The following TRDMT1 variants were observed in gnomAD, a reference collection of about 807,000 sequenced individuals.
The protein encoded by TRDMT1 is tRNA (cytosine(38)-C(5))-methyltransferase.
Under a neutral mutation model 51.2 loss-of-function variants are expected in TRDMT1, and 49 were observed. The ratio of observed to expected loss-of-function variants is 0.96; its 90% CI spans 0.76 to 1.21. The LOEUF (loss-of-function observed/expected upper bound fraction) is 1.21, where lower values mean the gene tolerates loss of function less well. TRDMT1 is among the 50% of genes most tolerant of loss of function. The pLI is 0.00. For missense variants in TRDMT1, 534 were observed against 462.3 expected (o/e 1.16, Z -1.42); for synonymous variants, 187 against 164.6 (o/e 1.14, Z -1.04).
At chr10:17,162,349 G>A (rs540489024) in intron 3 of TRDMT1, 112 bp from the exon 4 acceptor site, 3 of 986,334 alleles carry the variant, frequency 3.0e-6, no homozygotes, top group African/African-American at 1.7e-5. Context: ...AAAATAAGTT[G>A]GTCCTCACAA....
chr10:17,140,280 T>C lies in TRDMT1; in HGVS notation c.*8760A>G, dbSNP rs541513014. On this transcript the variant is annotated 3_prime_UTR_variant, in exon 11 of 11. Coordinates refer to ENST00000377799, the MANE Select transcript of TRDMT1 (RefSeq NM_004412.7). ...TATCATGGCCAGGCTGGTCTTGAAC[T>C]CCTGACCTCATGGTCCGTTCACTTC... 2.0e-5 allele frequency among the ~76,000 whole-genome samples: 3 copies of C among 150,756 alleles called. No individual in the cohort carries two copies. The South Asian group carries it at 6.4e-4, about 32-fold the overall frequency.
intron 1 of TRDMT1, among the ~76,000 whole-genome samples, chr10:17,178,744 T>TA (rs979151602): frequency 4.0e-5 from 6 of 150,432 alleles, no homozygotes; most frequent in Admixed American, 3.3e-4. Flanking sequence ...AAGAATAAAA[T>TA]AAAAAATACA....
chr10:17,194,145 CA>C (rs1845064422), intron 1 of TRDMT1, among the ~76,000 whole-genome samples: 1 of 152,140 alleles, frequency 6.6e-6, no homozygotes, highest in Admixed American at 6.5e-5. Flanking sequence ...TCACCATATA[CA>C]AAAATTAACT....
Position 17,146,682 on chromosome 10 carries a change from T to C in TRDMT1, c.*2358A>G. The C allele has an allele frequency of 5.1e-6, 5 of 985,384 alleles. No individual in the cohort carries two copies. Among genetic ancestry groups the C allele is most frequent in the Non-Finnish European group, 4.8e-6 (4 of 829,880 alleles). The allele number at this position is 985,384 out of a possible 1,614,324, so 61.0% of individuals were successfully genotyped here. A position where few individuals can be genotyped will look rare whatever the true frequency, so the allele number is the denominator to read the frequency against. On this transcript the variant is annotated 3_prime_UTR_variant, in exon 11 of 11. Coordinates refer to ENST00000377799, the MANE Select transcript of TRDMT1 (RefSeq NM_004412.7). ...GTGAAGACTGAATTACACATAGTTC[T>C]CCTGAAAATGAGAAGCTATGTTTTC...
chr10:17,168,894 G>A lies in TRDMT1; in HGVS notation c.198C>T (p.Asp66=). 1 of 1,612,078 alleles carries A rather than the reference G, an allele frequency of 6.2e-7. No individual in the cohort carries two copies. The highest frequency in any genetic ancestry group is 8.5e-7 in the Non-Finnish European group (1 of 1,178,794). Residue 66 remains aspartate (D), a synonymous_variant, in exon 3 of 11, where the codon GAC becomes GAT. Coordinates refer to ENST00000377799, the MANE Select transcript of TRDMT1 (RefSeq NM_004412.7). ...TIEGITLEEF[D]RLSFDMILMS... ...TTAAAATCATATCAAAAGATAATCT[G>A]TCAAACTCTTCGAGTGTAATGCCCT...
At chr10:17,189,976 T>C (rs1279445951) in intron 1 of TRDMT1, among the ~76,000 whole-genome samples, 3 of 152,134 alleles carry the variant, frequency 2.0e-5, no homozygotes, top group African/African-American at 7.2e-5. Context: ...TTAATATTAA[T>C]GTTCAGCTCT....
At chr10:17,151,075 A>T (rs1262928828) in intron 10 of TRDMT1, 2 of 893,758 alleles carry the variant, frequency 2.2e-6, no homozygotes, top group Non-Finnish European at 2.7e-6. Context: ...GTGCAAAAGC[A>T]TTGCAGTTTT....
chr10:17,153,585 T>A lies in TRDMT1; in HGVS notation c.997A>T (p.Thr333Ser). 6.2e-7 allele frequency: 1 copy of A among 1,610,682 alleles called. No individual in the cohort carries two copies. Among genetic ancestry groups the A allele is most frequent in the Non-Finnish European group, 8.5e-7 (1 of 1,178,760 alleles). Residue 333 changes from threonine to serine, a missense_variant, in exon 10 of 11, where the codon ACA (threonine) becomes TCA (serine). Physicochemically the swap from Thr to Ser is moderately conservative, Grantham distance 58. Coordinates refer to ENST00000377799, the MANE Select transcript of TRDMT1 (RefSeq NM_004412.7). ...LTNLSQEEQI[T>S]KLLILKLRYF... is the part of the protein sequence containing the mutation. ...CGCAGTTTAAGTATTAACAGCTTTG[T>A]TATCTGTTCTTCTTGTGACAAATTG... is the stretch of plus-strand genomic sequence containing the variant.
At chr10:17,196,829 A>ATCAT (rs1845511870) in intron 1 of TRDMT1, among the ~76,000 whole-genome samples, 1 of 152,176 alleles carries the variant, frequency 6.6e-6, no homozygotes, top group Non-Finnish European at 1.5e-5. Context: ...ACCTCAGTTT[A>ATCAT]GAGTTAGCAG....
chr10:17,172,523 A>G (rs1194961680), intron 2 of TRDMT1, among the ~76,000 whole-genome samples: 3 of 152,132 alleles, frequency 2.0e-5, no homozygotes, highest in African/African-American at 7.2e-5. Context: ...AGTAAAAATT[A>G]TATTTCACAG....
At position 17,140,943 on chromosome 10, in the gene TRDMT1, C is replaced by G. The variant is rs555925125; in HGVS notation, c.*8097G>C. On this transcript the variant is annotated 3_prime_UTR_variant, in exon 11 of 11. Coordinates refer to ENST00000377799, the MANE Select transcript of TRDMT1 (RefSeq NM_004412.7). ...CCTAATTCCATGTTAACTACCTGCT[C>G]GCCCTAATAATTGTAAAGAGCTGCA... Among the ~76,000 whole-genome samples the G allele has an allele frequency of 2.6e-5, 4 of 152,164 alleles. No homozygotes were observed. In the South Asian group the frequency reaches 8.3e-4, roughly 32 times the overall value.
In TRDMT1 at chr10:17,153,549, G is replaced by A; in HGVS notation, c.1033C>T (p.Pro345Ser). Residue 345 changes from proline (P) to serine (S), a missense_variant, in exon 10 of 11, where the codon CCT (proline) becomes TCT (serine). By Grantham distance (74) the Pro-to-Ser change is moderately conservative. Coordinates refer to ENST00000377799, the MANE Select transcript of TRDMT1 (RefSeq NM_004412.7). ...CCAAGGAGATTTGCTATTTCTTTAG[G>A]AGTGAAATATCGCAGTTTAAGTATT... ...LLILKLRYFT[P>S]KEIANLLGFP... 1 of 1,613,884 alleles carries A rather than the reference G, an allele frequency of 6.2e-7. No homozygotes were observed. The highest frequency in any genetic ancestry group is 8.5e-7 in the Non-Finnish European group (1 of 1,179,872).
At chr10:17,174,368 G>A (rs751403023) in intron 2 of TRDMT1, among the ~76,000 whole-genome samples, 183 bp downstream of exon 2, 1 of 152,038 alleles carries the variant, frequency 6.6e-6, no homozygotes, top group Non-Finnish European at 1.5e-5. Context: ...GTCTATAGCT[G>A]GACTTTTTTT....
intron 8 of TRDMT1, 138 bp downstream of exon 8, chr10:17,157,303 G>A: frequency 1.3e-6 from 1 of 752,650 alleles, no homozygotes; most frequent in South Asian, 2.2e-5. Context: ...ACATGAAGTA[G>A]GCAATTAAGG....
At position 17,144,363 on chromosome 10, in the gene TRDMT1, A is replaced by C. The variant is rs1425481716; in HGVS notation, c.*4677T>G. On this transcript the variant is annotated 3_prime_UTR_variant, in exon 11 of 11. Transcript: ENST00000377799. ...ACTGAAGCCATGCTAGGTACAAGCA[A>C]AGAAATGAAAAAACCCTAGGCTTAT... The C allele has an allele frequency of 1.0e-6, 1 of 985,380 alleles. No homozygotes were observed. The highest frequency in any genetic ancestry group is 1.2e-6 in the Non-Finnish European group (1 of 829,944). The allele number at this position is 985,380 out of a possible 1,614,324, so 61.0% of individuals were successfully genotyped here.
At chr10:17,159,271 A>C in intron 6 of TRDMT1, 42 bp from the exon 7 acceptor site, 2 of 1,444,662 alleles carry the variant, frequency 1.4e-6, no homozygotes, top group Non-Finnish European at 1.9e-6. Flanking sequence ...AAAAAATTAA[A>C]GAGAGCGGTA....
At chr10:17,154,461 A>G (rs1453741595) in intron 9 of TRDMT1, among the ~76,000 whole-genome samples, 1 of 152,116 alleles carries the variant, frequency 6.6e-6, no homozygotes. Context: ...AAAAAGAAAA[A>G]CATAAAACAT....
In TRDMT1 at chr10:17,147,416, T is replaced by C; in HGVS notation, c.*1624A>G. 2 of 888,012 alleles carry C rather than the reference T, an allele frequency of 2.3e-6. No homozygotes were observed. Among genetic ancestry groups the C allele is most frequent in the South Asian group, 5.2e-5 (1 of 19,246 alleles). 55.0% of individuals were successfully genotyped at this position (888,012 alleles called of 1,614,324 possible). On this transcript the variant is annotated 3_prime_UTR_variant, in exon 11 of 11. Coordinates refer to ENST00000377799, the MANE Select transcript of TRDMT1 (RefSeq NM_004412.7). The stretch of plus-strand genomic sequence containing the variant: ...AGTAAAATATACATAATGTAAAATT[T>C]ATCATTTTAACTATTTTTAAATATA...
chr10:17,154,902 G>C (rs573920309), intron 8 of TRDMT1, among the ~76,000 whole-genome samples, 168 bp from the exon 9 acceptor site: 1 of 152,230 alleles, frequency 6.6e-6, no homozygotes, highest in African/African-American at 2.4e-5. Context: ...CTAGGTAAAA[G>C]ACATAATATA....
Sources: allele counts gnomAD v4.1 joint callset (sites outside exome capture counted in the v4.1 genomes callset), GRCh38; gene constraint gnomAD v4.1.1; transcripts MANE v1.5; gene names NCBI Gene and HGNC (gene_info 2026-07-23, HGNC 2026-07-21).